TP73: variants seen among roughly 807,000 people sequenced by gnomAD.
The protein encoded by TP73 is p53-like transcription factor.
Under a neutral mutation model 62.5 loss-of-function variants are expected in TP73, and 25 were observed. The observed-to-expected ratio is 0.40, with a 90% CI of 0.29 to 0.56. The LOEUF (loss-of-function observed/expected upper bound fraction) is 0.56, where lower values mean the gene tolerates loss of function less well. Ranked by LOEUF, TP73 falls within the 20% of genes least tolerant of loss-of-function variation. The pLI is 0.46. For synonymous variants in TP73, 423 were observed against 377.5 expected (o/e 1.12, Z -1.40); for missense variants, 754 against 913.3 (o/e 0.83, Z 2.25).
intron 9 of TP73, among the ~76,000 whole-genome samples, chr1:3,728,969 CAG>C (rs1215214720): frequency 6.6e-6 from 1 of 150,732 alleles, no homozygotes; most frequent in Non-Finnish European, 1.5e-5. Context: ...GCCTAGGCGA[CAG>C]AGCAAGACGC....
At chr1:3,657,950 C>T (rs528129248) in intron 1 of TP73, among the ~76,000 whole-genome samples, 11 of 152,350 alleles carry the variant, frequency 7.2e-5, no homozygotes, top group South Asian at 2.1e-4. Flanking sequence ...AGGCGAGACC[C>T]GGGCCCCAGC....
At chr1:3,712,183 G>T (rs563793879) in intron 4 of TP73, 2 of 152,388 alleles carry the variant, frequency 1.3e-5, no homozygotes, top group East Asian at 3.9e-4. Context: ...GCAATTATAT[G>T]TGCGTAAAGC....
At chr1:3,730,613 C>T (rs562962860) in intron 11 of TP73, among the ~76,000 whole-genome samples, 14 of 152,148 alleles carry the variant, frequency 9.2e-5, no homozygotes, top group Admixed American at 3.3e-4. Context: ...TTCCCAGTGC[C>T]GTGAGCAAGC....
In TP73 at chr1:3,666,120, G is replaced by C. The variant is rs1170827430; in HGVS notation, c.-34+13479G>C. Among the ~76,000 whole-genome samples the C allele has an allele frequency of 1.1e-5, 1 of 94,946 alleles. No individual in the cohort carries two copies. The highest frequency in any genetic ancestry group is 1.9e-5 in the Non-Finnish European group (1 of 51,724). 62.3% of individuals were successfully genotyped at this position (94,946 alleles called of 152,430 possible). ...GCCTGGGCAACAAGAGCAAAACTCT[G>C]TCTCAAAAAAAAAAAAAAAAAAAAA... On this transcript the variant is annotated intron_variant, in intron 1 of 13. Coordinates refer to ENST00000378295, the MANE Select transcript of TP73 (RefSeq NM_005427.4). The surrounding 1 kb of genome is among the most constrained non-coding windows in gnomAD (Gnocchi z 6.4).
At chr1:3,669,199 G>A (rs1036841193) in intron 1 of TP73, among the ~76,000 whole-genome samples, 5 of 152,224 alleles carry the variant, frequency 3.3e-5, no homozygotes, top group Non-Finnish European at 5.9e-5. Context: ...CCTCCTCTCG[G>A]CCTGAGTCGG....
chr1:3,705,907 A>C (rs1639584793), intron 3 of TP73, among the ~76,000 whole-genome samples: 1 of 152,226 alleles, frequency 6.6e-6, no homozygotes, highest in Non-Finnish European at 1.5e-5. Context: ...CCTCTGGGTC[A>C]CTAAACCCAA....
At chr1:3,681,273 C>T (rs566650582) in intron 1 of TP73, among the ~76,000 whole-genome samples, 1 of 152,322 alleles carries the variant, frequency 6.6e-6, no homozygotes, top group East Asian at 1.9e-4. Context: ...GGTGGCCAAG[C>T]CTGTCCCATA....
intron 1 of TP73, among the ~76,000 whole-genome samples, chr1:3,655,737 A>G (rs1644851102): frequency 6.6e-6 from 1 of 152,236 alleles, no homozygotes; most frequent in South Asian, 2.1e-4. Flanking sequence ...CAAATACACA[A>G]AACACACTTG....
intron 3 of TP73, among the ~76,000 whole-genome samples, chr1:3,689,631 C>T (rs369425583): frequency 1.7e-4 from 26 of 152,198 alleles, no homozygotes; most frequent in East Asian, 9.7e-4. Flanking sequence ...TGCCGGCTCT[C>T]GGTGGGGACG....
At chr1:3,702,679 C>T (rs1570518533) in intron 3 of TP73, among the ~76,000 whole-genome samples, 3 of 152,342 alleles carry the variant, frequency 2.0e-5, no homozygotes, top group Non-Finnish European at 2.9e-5. Context: ...TGGAGGCTGG[C>T]GGGAAGGCCA....
intron 4 of TP73, among the ~76,000 whole-genome samples, chr1:3,719,643 C>T (rs1444665515): frequency 2.0e-5 from 3 of 152,196 alleles, no homozygotes; most frequent in Non-Finnish European, 4.4e-5. Context: ...TTCCCATGTG[C>T]CCTGGGGGCA....
Position 3,662,086 on chromosome 1 carries a change from A to G in TP73, c.-34+9445A>G, listed in dbSNP as rs562970478. 1.3e-5 allele frequency: 2 copies of G among 150,790 alleles called. No individual in the cohort carries two copies. The highest frequency in any genetic ancestry group is 6.6e-5 in the Admixed American group (1 of 15,104). 9.3% of individuals were successfully genotyped at this position (150,790 alleles called of 1,614,324 possible). A position where few individuals can be genotyped will look rare whatever the true frequency, so the allele number is the denominator to read the frequency against. ...AAAAAAAAAGAACTAGTTCACACCCATGTTTCCTCCTGCTGCCCCAAATTG... is the reference window on the plus strand; with the variant it reads ...AAAAAAAAAGAACTAGTTCACACCCGTGTTTCCTCCTGCTGCCCCAAATTG... On this transcript the variant is annotated intron_variant, in intron 1 of 13. Transcript: ENST00000378295. The surrounding 1 kb of genome is among the most constrained non-coding windows in gnomAD (Gnocchi z 4.4).
rs1645025077 is a variant in TP73, at chr1:3,662,778, C to T, written c.-34+10137C>T. Among the ~76,000 whole-genome samples the T allele has an allele frequency of 6.6e-6, 1 of 152,156 alleles. No individual in the cohort carries two copies. The highest frequency in any genetic ancestry group is 1.5e-5 in the Non-Finnish European group (1 of 68,030). On this transcript the variant is annotated intron_variant, in intron 1 of 13. Coordinates refer to ENST00000378295, the MANE Select transcript of TP73 (RefSeq NM_005427.4). The surrounding 1 kb of genome is among the most constrained non-coding windows in gnomAD (Gnocchi z 4.4). ...ACATTGCAAGGGGGCCTAGAGGGGC[C>T]TCTATGGGCCTTGGAGATGGAATCA... is the stretch of plus-strand genomic sequence containing the variant.
rs746207826 is a variant in TP73, at chr1:3,707,598, C to T, written c.236C>T (p.Ala79Val). The change falls in exon 4 of 14, where the codon GCG (alanine) becomes GTG (valine). Residue 79 changes from alanine to valine, a missense_variant. Around this residue, in one of 3 missense-constraint regions of TP73, gnomAD observed 235 missense variants for 251.4 expected, o/e 0.93. Coordinates refer to ENST00000378295, the MANE Select transcript of TP73 (RefSeq NM_005427.4). ...ACCATGGACCAGATGAGCAGCCGCG[C>T]GGCCTCGGCCAGCCCCTACACCCCA... ...SSTMDQMSSRAASASPYTPEH... is the reference protein window; with the variant it reads ...SSTMDQMSSRVASASPYTPEH... 28 of 1,612,346 alleles carry T rather than the reference C, an allele frequency of 1.7e-5. No homozygotes were observed. Among genetic ancestry groups the T allele is most frequent in the African/African-American group, 2.7e-5 (2 of 74,882 alleles).
chr1:3,723,517 G>C (rs778304442), intron 6 of TP73, 48 bp downstream of exon 6: 3 of 1,237,840 alleles, frequency 2.4e-6, no homozygotes, highest in Non-Finnish European at 3.5e-6. Context: ...TCAGCTGTAC[G>C]GGTCGGGGGA....
chr1:3,670,192 G>T lies in TP73; in HGVS notation c.-33-12141G>T, dbSNP rs1029106803. ...TCTCTCTGCTCATCCCTAAGGCAGGGATGATGATGGGGCCAGGGGACCACA... is the reference window on the plus strand; with the variant it reads ...TCTCTCTGCTCATCCCTAAGGCAGGTATGATGATGGGGCCAGGGGACCACA... On this transcript the variant is annotated intron_variant, in intron 1 of 13. Coordinates refer to ENST00000378295, the MANE Select transcript of TP73 (RefSeq NM_005427.4). This position sits in a 1 kb window ranked among gnomAD's most constrained non-coding sequence, Gnocchi z 5.9. Among the ~76,000 whole-genome samples, 1 of 152,096 alleles carries T rather than the reference G, an allele frequency of 6.6e-6. No individual in the cohort carries two copies. The highest frequency in any genetic ancestry group is 2.4e-5 in the African/African-American group (1 of 41,394).
At position 3,707,744 on chromosome 1, in the gene TP73, G is replaced by A. The variant is rs769869678; in HGVS notation, c.382G>A (p.Glu128Lys). 6.2e-7 allele frequency: 1 copy of A among 1,613,202 alleles called. No individual in the cohort carries two copies. The highest frequency in any genetic ancestry group is 8.5e-7 in the Non-Finnish European group (1 of 1,179,942). The change falls in exon 4 of 14, where the codon GAG (glutamate) becomes AAG (lysine). Residue 128 changes from glutamate (E) to lysine (K), a missense_variant. Glu to Lys is a moderately conservative substitution (Grantham distance 56, BLOSUM62 1). Around this residue, in one of 3 missense-constraint regions of TP73, gnomAD observed 235 missense variants for 251.4 expected, o/e 0.93. Transcript: ENST00000378295. ...NTDYPGPHHF[E>K]VTFQQSSTAK... ...CGACTACCCCGGACCCCACCACTTT[G>A]AGGTCACTTTCCAGCAGTCCAGCAC...
intron 1 of TP73, among the ~76,000 whole-genome samples, chr1:3,656,780 A>G (rs1241036018): frequency 1.3e-5 from 2 of 152,252 alleles, no homozygotes; most frequent in Non-Finnish European, 2.9e-5. Flanking sequence ...AGCCAGGGGT[A>G]GAGAGTCCAG....
chr1:3,720,014 C>G (rs1640943844), intron 4 of TP73, among the ~76,000 whole-genome samples: 1 of 151,728 alleles, frequency 6.6e-6, no homozygotes, highest in Non-Finnish European at 1.5e-5. Flanking sequence ...CTCCCGAGTT[C>G]AAGCGATTCT....
Sources: gnomAD v4.1 joint callset for allele counts (sites outside exome capture counted in the v4.1 genomes callset) on GRCh38, gnomAD v4.1.1 for gene constraint, gnomAD v4.1.1 regional missense constraint, Gnocchi (gnomAD v3.1) non-coding constraint, MANE v1.5 for transcripts, NCBI Gene and HGNC (gene_info 2026-07-23, HGNC 2026-07-21) for gene names.